Variants in PHF12 observed in about 807,000 individuals in gnomAD.
PHF12 encodes PHD factor 1.
A neutral mutation model predicts 99.8 loss-of-function variants in PHF12; 6 were observed. The observed-to-expected ratio is 0.06, with a 90% CI of 0.03 to 0.12. The LOEUF (loss-of-function observed/expected upper bound fraction) is 0.12. Among genes scored for constraint, PHF12 ranks in the 10% least tolerant of loss-of-function variants. PHF12 has a pLI of 1.00. For missense variants in PHF12, 954 were observed against 1,300.1 expected (o/e 0.73, Z 4.09); for synonymous variants, 480 against 514.9 (o/e 0.93, Z 0.92).
At chr17:28,907,171 T>C in intron 13 of PHF12, 177 bp from the exon 14 acceptor site, 1 of 660,852 alleles carries the variant, frequency 1.5e-6, no homozygotes, top group Admixed American at 3.1e-5. Flanking sequence ...CAGGGAAGCT[T>C]TCCTTCTGGT....
At chr17:28,926,908 T>C in intron 3 of PHF12, 83 bp downstream of exon 3, 2 of 1,606,238 alleles carry the variant, frequency 1.2e-6, no homozygotes, top group African/African-American at 2.7e-5. Context: ...AAGAATGCCT[T>C]CAGGGCTAGG....
chr17:28,943,121 C>T (rs112669071), intron 2 of PHF12, among the ~76,000 whole-genome samples: 149 of 152,308 alleles, frequency 9.8e-4, no homozygotes, highest in African/African-American at 2.0e-3. Context: ...TACTACTTCA[C>T]GCTCACTAGG....
chr17:28,925,743 T>A (rs1487976079), intron 3 of PHF12: 4 of 152,246 alleles, frequency 2.6e-5, no homozygotes, highest in African/African-American at 9.6e-5. Context: ...TCTTCCTTTC[T>A]AAAATGGAAA....
chr17:28,910,543 C>T (rs992411237), intron 10 of PHF12, among the ~76,000 whole-genome samples, 174 bp from the exon 11 acceptor site: 1 of 152,218 alleles, frequency 6.6e-6, no homozygotes, highest in African/African-American at 2.4e-5. Flanking sequence ...ATCTCACTTG[C>T]CATTTGCAGT....
At position 28,951,221 on chromosome 17, in the gene PHF12, G is replaced by A; in HGVS notation, c.-261C>T. 3.7e-6 allele frequency: 5 copies of A among 1,354,664 alleles called. No homozygotes were observed. The South Asian group carries it at 5.0e-5, about 14-fold the overall frequency. The allele number at this position is 1,354,664 out of a possible 1,614,324, so 83.9% of individuals were successfully genotyped here. ...TGCACAGTGGGTCCCGGCTCCGGGG[G>A]TCAGGCCTCGGCGGGGCCTAGTCCC... On this transcript the variant is annotated 5_prime_UTR_variant, in exon 1 of 15. Transcript: ENST00000332830.
intron 2 of PHF12, among the ~76,000 whole-genome samples, chr17:28,947,177 T>C (rs1001700380): frequency 1.3e-5 from 2 of 151,424 alleles, no homozygotes; most frequent in Non-Finnish European, 2.9e-5. Context: ...GAGACGGAGT[T>C]TCACTATGTT....
chr17:28,931,252 ATTCCTT>A (rs2040396837), intron 2 of PHF12, among the ~76,000 whole-genome samples: 1 of 125,138 alleles, frequency 8.0e-6, no homozygotes, highest in South Asian at 2.8e-4. Context: ...TGAGGCCATC[ATTCCTT>A]TTTTTTTTTT....
chr17:28,923,898 G>A lies in PHF12; in HGVS notation c.715+11C>T. On this transcript the variant is annotated intron_variant, in intron 4 of 14. Transcript: ENST00000332830. ...GGGGTTGGGAAGGGATATGATGATG[G>A]TTTGGCTGACCTGGTAGTGCAGTGG... The A allele has an allele frequency of 6.3e-7, 1 of 1,598,986 alleles. No homozygotes were observed. Among genetic ancestry groups the A allele is most frequent in the Non-Finnish European group, 8.5e-7 (1 of 1,172,558 alleles).
rs199988034 is a variant in PHF12, at chr17:28,910,376, G to C, written c.2216-7C>G. ...AGCATATTTATCTCGATTTCTATTA[G>C]CCAAAGAGAAAGATTAAAAAGCAGC... On this transcript the variant is annotated splice_region_variant and splice_polypyrimidine_tract_variant and intron_variant, in intron 10 of 14. Coordinates refer to ENST00000332830, the MANE Select transcript of PHF12 (RefSeq NM_001033561.2). 8.1e-6 allele frequency: 13 copies of C among 1,604,282 alleles called. No individual in the cohort carries two copies. The East Asian group carries it at 2.9e-4, about 36-fold the overall frequency.
rs2039954708 is a variant in PHF12 at position 28,911,228 on chromosome 17, A to T, written c.2099T>A (p.Val700Asp). ...SSPAPSSDGK[V>D]SPGTLSIGSA... The stretch of plus-strand genomic sequence containing the variant: ...TCCTATGGATAACGTGCCGGGGCTG[A>T]CCTTGCCATCTGGGGACGGAGCAGG... The change falls in exon 10 of 15, where the codon GTC (valine) becomes GAC (aspartate). Residue 700 changes from valine to aspartate, a missense_variant. Physicochemically the swap from Val to Asp is radical, Grantham distance 152. Around this residue, in one of 8 missense-constraint regions of PHF12, gnomAD observed 143 missense variants for 191.8 expected, o/e 0.75. Coordinates refer to ENST00000332830, the MANE Select transcript of PHF12 (RefSeq NM_001033561.2). 1 of 1,613,978 alleles carries T rather than the reference A, an allele frequency of 6.2e-7. No individual in the cohort carries two copies. Among genetic ancestry groups the T allele is most frequent in the Admixed American group, 1.7e-5 (1 of 59,982 alleles).
At chr17:28,932,988 C>T (rs2040441216) in intron 2 of PHF12, among the ~76,000 whole-genome samples, 1 of 152,132 alleles carries the variant, frequency 6.6e-6, no homozygotes, top group Admixed American at 6.5e-5. Context: ...ATGGTATTCC[C>T]ATAAGCCTAG....
Position 28,950,689 on chromosome 17 carries a change from C to T in PHF12, c.66+206G>A. On this transcript the variant is annotated intron_variant, in intron 1 of 14. Transcript: ENST00000332830. The surrounding 1 kb of genome is among the most constrained non-coding windows in gnomAD (Gnocchi z 5.7). The stretch of plus-strand genomic sequence containing the variant: ...GCGCCTCGGGAGAGCGAATCGAGGG[C>T]GGCGGGTAGGTGAAACTGCTGCAAA... The T allele has an allele frequency of 1.5e-6, 1 of 664,886 alleles. No individual in the cohort carries two copies. Among genetic ancestry groups the T allele is most frequent in the Non-Finnish European group, 2.3e-6 (1 of 431,782 alleles). The allele number at this position is 664,886 out of a possible 1,614,324, so 41.2% of individuals were successfully genotyped here. A position where few individuals can be genotyped will look rare whatever the true frequency, so the allele number is the denominator to read the frequency against.
At chr17:28,947,007 G>A (rs1323911741) in intron 2 of PHF12, among the ~76,000 whole-genome samples, 1 of 151,784 alleles carries the variant, frequency 6.6e-6, no homozygotes, top group African/African-American at 2.4e-5. Context: ...CTCCTGAGAT[G>A]GGGTCTTACT....
At chr17:28,941,135 G>A (rs1327857035) in intron 2 of PHF12, among the ~76,000 whole-genome samples, 1 of 150,980 alleles carries the variant, frequency 6.6e-6, no homozygotes, top group Non-Finnish European at 1.5e-5. Flanking sequence ...TAATATATAA[G>A]GGCTACCATA....
In PHF12 at chr17:28,921,702, G is replaced by A; in HGVS notation, c.822C>T (p.Cys274=). The part of the protein sequence containing the change: ...NGLVPLPVKV[C]FTCNRSCRVA... ...AAAGAAAATACCTGTTACACGTGAAGCAGACTTTGACGGGTAAGGGAACGA... is the reference window on the plus strand; with the variant it reads ...AAAGAAAATACCTGTTACACGTGAAACAGACTTTGACGGGTAAGGGAACGA... The change falls in exon 5 of 15, where the codon TGC becomes TGT. Residue 274 remains cysteine, a synonymous_variant. Coordinates refer to ENST00000332830, the MANE Select transcript of PHF12 (RefSeq NM_001033561.2). The A allele has an allele frequency of 5.0e-6, 8 of 1,614,052 alleles. No individual in the cohort carries two copies. Among genetic ancestry groups the A allele is most frequent in the Non-Finnish European group, 6.8e-6 (8 of 1,179,928 alleles).
chr17:28,919,417 G>T, intron 5 of PHF12, 142 bp from the exon 6 acceptor site: 1 of 1,021,542 alleles, frequency 9.8e-7, no homozygotes, highest in Non-Finnish European at 1.4e-6. Context: ...TTCCTCCAGT[G>T]ATTCAGTTAC....
At chr17:28,948,619 A>C (rs1313225483) in intron 2 of PHF12, among the ~76,000 whole-genome samples, 1 of 152,238 alleles carries the variant, frequency 6.6e-6, no homozygotes, top group Admixed American at 6.5e-5. Flanking sequence ...TAATTTGCTC[A>C]GTATCAGTCA....
intron 7 of PHF12, among the ~76,000 whole-genome samples, chr17:28,914,746 T>A (rs1018546299): frequency 6.8e-6 from 1 of 147,590 alleles, no homozygotes. Context: ...TCCATCAATG[T>A]CAGTTTCCTT....
chr17:28,921,656 GAGAA>G (rs2040168160), intron 5 of PHF12, 28 bp downstream of exon 5: 2 of 1,609,216 alleles, frequency 1.2e-6, no homozygotes, highest in Admixed American at 3.4e-5. Context: ...GCTAAATAAT[GAGAA>G]AGAGCCCCTT....
Sources: allele counts gnomAD v4.1 joint callset (sites outside exome capture counted in the v4.1 genomes callset), GRCh38; gene constraint gnomAD v4.1.1; regional missense constraint gnomAD v4.1.1; non-coding constraint Gnocchi (gnomAD v3.1); transcripts MANE v1.5; gene names NCBI Gene and HGNC (gene_info 2026-07-23, HGNC 2026-07-21).